Variants in TCF12 observed in about 807,000 individuals in gnomAD.
TCF12 encodes transcription factor 12.
In TCF12, 45 loss-of-function variants were observed where a neutral mutation model predicts 86.0. The observed-to-expected ratio is 0.52, with a 90% CI of 0.41 to 0.67. The LOEUF is 0.67. Among genes scored for constraint, TCF12 ranks in the 30% least tolerant of loss-of-function variants. TCF12 has a pLI of 0.00. For synonymous variants in TCF12, 330 were observed against 299.6 expected, an observed-to-expected ratio of 1.10 and a Z score of -1.05; for missense variants, 881 against 859.9, an observed-to-expected ratio of 1.02 and a Z score of -0.31.
intron 5 of TCF12, among the ~76,000 whole-genome samples, chr15:57,165,261 A>G (rs1159822514): frequency 6.6e-6 from 1 of 152,092 alleles, no homozygotes; most frequent in Non-Finnish European, 1.5e-5. Flanking sequence ...AACTGGTTTT[A>G]TTTGTATAAT....
chr15:57,075,268 C>G (rs1264376982), intron 4 of TCF12, among the ~76,000 whole-genome samples: 1 of 152,174 alleles, frequency 6.6e-6, no homozygotes, highest in East Asian at 1.9e-4. Context: ...TTATTTTCCA[C>G]TAATTTTGCC....
intron 3 of TCF12, among the ~76,000 whole-genome samples, chr15:57,013,261 T>C (rs770957281): frequency 1.3e-5 from 2 of 152,080 alleles, no homozygotes; most frequent in African/African-American, 2.4e-5. Context: ...TTGGGGAAAA[T>C]AGAATTTTGC....
intron 19 of TCF12, among the ~76,000 whole-genome samples, chr15:57,279,884 CTTTTTT>C (rs34752903): frequency 5.1e-5 from 5 of 98,304 alleles, no homozygotes; most frequent in Admixed American, 1.2e-4. Context: ...CACAGTCTCA[CTTTTTT>C]TTTTTTTTTT....
chr15:57,071,724 G>C (rs2920269), intron 4 of TCF12, among the ~76,000 whole-genome samples: 82,528 of 151,792 alleles, frequency 0.54, 22,896 homozygotes, highest in Admixed American at 0.61. Context: ...AGTTAATTAC[G>C]AAAATAATTT....
chr15:57,136,876 C>A (rs986538911), intron 5 of TCF12, among the ~76,000 whole-genome samples: 16 of 149,204 alleles, frequency 1.1e-4, no homozygotes, highest in Admixed American at 5.3e-4. Context: ...GTCTTGAACT[C>A]TTAGGCTCAA....
chr15:57,062,117 T>A (rs1403009866), intron 3 of TCF12, among the ~76,000 whole-genome samples: 1 of 152,040 alleles, frequency 6.6e-6, no homozygotes, highest in African/African-American at 2.4e-5. Flanking sequence ...CCACCACACC[T>A]GGCTAATTTT....
intron 5 of TCF12, among the ~76,000 whole-genome samples, chr15:57,097,379 A>G (rs1046439620): frequency 5.3e-5 from 8 of 151,938 alleles, no homozygotes; most frequent in Non-Finnish European, 1.0e-4. Context: ...AATAAAAAAA[A>G]TTAGCCAGGC....
chr15:56,993,877 A>G (rs1054436090), intron 3 of TCF12, among the ~76,000 whole-genome samples: 2 of 152,226 alleles, frequency 1.3e-5, no homozygotes, highest in Admixed American at 1.3e-4. Flanking sequence ...TAACATATGA[A>G]GAACAAGGAA....
chr15:57,276,002 C>G (rs950472517), intron 19 of TCF12, among the ~76,000 whole-genome samples: 1 of 152,320 alleles, frequency 6.6e-6, no homozygotes, highest in African/African-American at 2.4e-5. Context: ...GTACCTTTGC[C>G]ATTTTTATTC....
chr15:56,987,459 G>A (rs1339766556), intron 3 of TCF12, among the ~76,000 whole-genome samples: 2 of 152,042 alleles, frequency 1.3e-5, no homozygotes, highest in Non-Finnish European at 2.9e-5. Context: ...TGAGGAGCGT[G>A]GTTTGTGTCC....
At chr15:57,013,502 G>A (rs1320033700) in intron 3 of TCF12, among the ~76,000 whole-genome samples, 2 of 152,140 alleles carry the variant, frequency 1.3e-5, no homozygotes, top group African/African-American at 2.4e-5. Flanking sequence ...TGTATTTTCA[G>A]TAGAGATGGG....
intron 5 of TCF12, among the ~76,000 whole-genome samples, chr15:57,142,503 T>C (rs2053052101): frequency 2.1e-5 from 1 of 46,698 alleles, no homozygotes; most frequent in East Asian, 4.9e-4. Flanking sequence ...TGGCCAAATC[T>C]GTACATTTTG....
At chr15:57,187,788 G>A (rs2151685511) in intron 6 of TCF12, among the ~76,000 whole-genome samples, 1 of 152,170 alleles carries the variant, frequency 6.6e-6, no homozygotes, top group Admixed American at 6.5e-5. Context: ...AAATTAGCCG[G>A]ACATGGTGGT....
intron 5 of TCF12, among the ~76,000 whole-genome samples, chr15:57,158,130 G>T (rs545947386): frequency 9.9e-5 from 15 of 151,196 alleles, no homozygotes; most frequent in South Asian, 2.1e-4. Flanking sequence ...TTGAGTTGGT[G>T]AATGTTTTGC....
At chr15:57,003,625 T>C (rs2064177766) in intron 3 of TCF12, among the ~76,000 whole-genome samples, 2 of 152,256 alleles carry the variant, frequency 1.3e-5, no homozygotes, top group Admixed American at 1.3e-4. Flanking sequence ...CAAGAAAGCC[T>C]ATTCGTTGTC....
intron 9 of TCF12, 27 bp downstream of exon 9, chr15:57,231,284 T>A (rs2059128243): frequency 2.1e-6 from 3 of 1,453,490 alleles, no homozygotes; most frequent in Admixed American, 1.7e-5. Context: ...AATTGCCAAA[T>A]ACTACTGCAG....
chr15:57,056,674 G>T (rs576544773), intron 3 of TCF12, among the ~76,000 whole-genome samples: 2 of 151,872 alleles, frequency 1.3e-5, no homozygotes, highest in Non-Finnish European at 2.9e-5. Flanking sequence ...GCTCAGGCTG[G>T]TCTCAAACTC....
intron 8 of TCF12, among the ~76,000 whole-genome samples, chr15:57,211,384 G>C (rs1218529552): frequency 4.6e-5 from 7 of 152,076 alleles, no homozygotes; most frequent in African/African-American, 1.7e-4. Context: ...GGGCAACAAA[G>C]TGAGACCTTG....
intron 4 of TCF12, among the ~76,000 whole-genome samples, chr15:57,078,993 T>C (rs751038001): frequency 1.3e-5 from 2 of 152,258 alleles, no homozygotes; most frequent in Admixed American, 6.5e-5. Flanking sequence ...TTTGTAAGTA[T>C]CTGAAAATTT....
Sources: gnomAD v4.1 joint callset for allele counts (sites outside exome capture counted in the v4.1 genomes callset) on GRCh38, gnomAD v4.1.1 for gene constraint, MANE v1.5 for transcripts, NCBI Gene and HGNC (gene_info 2026-07-23, HGNC 2026-07-21) for gene names.